Variants in ADAMTSL1 observed in about 807,000 individuals in gnomAD.
The protein encoded by ADAMTSL1 is ADAMTS like 1.
ADAMTSL1 carries 126 observed loss-of-function variants against 201.8 expected under a neutral mutation model. The ratio of observed to expected loss-of-function variants is 0.62; its 90% CI spans 0.54 to 0.72. ADAMTSL1 has a LOEUF of 0.72. Ranked by LOEUF, ADAMTSL1 falls within the 30% of genes least tolerant of loss-of-function variation. The pLI is 0.00. For synonymous variants in ADAMTSL1, 1,121 were observed against 903.4 expected, an observed-to-expected ratio of 1.24 and a Z score of -4.32; for missense variants, 2,679 against 2,277.8, an observed-to-expected ratio of 1.18 and a Z score of -3.59.
intron 2 of ADAMTSL1, among the ~76,000 whole-genome samples, chr9:18,302,133 G>T (rs1833730894): frequency 6.6e-6 from 1 of 152,050 alleles, no homozygotes; most frequent in Non-Finnish European, 1.5e-5. Flanking sequence ...TCTTTTTTGG[G>T]TTGCTGTTGT....
intron 2 of ADAMTSL1, among the ~76,000 whole-genome samples, chr9:18,239,263 G>T (rs1412492058): frequency 6.6e-6 from 1 of 152,166 alleles, no homozygotes; most frequent in Non-Finnish European, 1.5e-5. Context: ...AGATTTCTCT[G>T]TAGCATGTGA....
At chr9:18,610,325 A>C (rs139517954) in intron 4 of ADAMTSL1, among the ~76,000 whole-genome samples, 72 of 152,334 alleles carry the variant, frequency 4.7e-4, no homozygotes, top group African/African-American at 1.7e-3. Context: ...AGAATCTTAC[A>C]TTAACAACCT....
intron 3 of ADAMTSL1, among the ~76,000 whole-genome samples, chr9:18,553,210 C>CTTTTT (rs35874115): frequency 1.3e-4 from 18 of 135,852 alleles, no homozygotes; most frequent in Admixed American, 2.2e-4. Flanking sequence ...TAGTCCCAGT[C>CTTTTT]TTTTTTTTTT....
chr9:18,627,106 C>T (rs1182884200), intron 5 of ADAMTSL1, among the ~76,000 whole-genome samples: 1 of 151,906 alleles, frequency 6.6e-6, no homozygotes, highest in Non-Finnish European at 1.5e-5. Context: ...TCAGCCTCCC[C>T]AAGTAGCTGG....
chr9:18,823,360 A>C (rs1261316015), intron 21 of ADAMTSL1, among the ~76,000 whole-genome samples: 1 of 152,166 alleles, frequency 6.6e-6, no homozygotes, highest in Non-Finnish European at 1.5e-5. Flanking sequence ...TGCTGTCACC[A>C]GAGGAATTCA....
At chr9:18,563,270 C>G (rs928313044) in intron 3 of ADAMTSL1, among the ~76,000 whole-genome samples, 4 of 152,218 alleles carry the variant, frequency 2.6e-5, no homozygotes, top group Admixed American at 2.0e-4. Context: ...TCAGGCTCCT[C>G]TGCTGCAGGT....
intron 23 of ADAMTSL1, among the ~76,000 whole-genome samples, chr9:18,858,633 G>T (rs1434765781): frequency 1.3e-5 from 2 of 152,234 alleles, no homozygotes; most frequent in East Asian, 3.8e-4. Flanking sequence ...CCCAGCCTCT[G>T]TGCTCCACGG....
Position 18,045,796 on chromosome 9 carries a change from C to T in ADAMTSL1, c.88-118066C>T, listed in dbSNP as rs572907104. On this transcript the variant is annotated intron_variant, in intron 1 of 29. Coordinates refer to the ADAMTSL1 transcript ENST00000680146. ...CCTTTTTCTACTCTAAGTCCTGATA[C>T]TCACTTGGTGCCTTTATTTTCTGTG... Among the ~76,000 whole-genome samples, 19 of 151,112 alleles carry T rather than the reference C, an allele frequency of 1.3e-4. No individual in the cohort carries two copies. The East Asian group carries it at 3.0e-3, about 24-fold the overall frequency.
chr9:18,813,242 G>A (rs1270334418), intron 20 of ADAMTSL1, among the ~76,000 whole-genome samples: 1 of 152,282 alleles, frequency 6.6e-6, no homozygotes, highest in Non-Finnish European at 1.5e-5. Flanking sequence ...GGGATTACAG[G>A]CATGAGCCAC....
chr9:18,352,827 T>G (rs1296677532), intron 2 of ADAMTSL1, among the ~76,000 whole-genome samples: 1 of 152,210 alleles, frequency 6.6e-6, no homozygotes, highest in Non-Finnish European at 1.5e-5. Flanking sequence ...TCAGTCAGCG[T>G]CCCTGGCAAG....
chr9:18,296,856 C>T (rs557698056), intron 2 of ADAMTSL1, among the ~76,000 whole-genome samples: 1 of 152,226 alleles, frequency 6.6e-6, no homozygotes, highest in African/African-American at 2.4e-5. Flanking sequence ...GAATCTGTAC[C>T]TTTAAGGCTA....
At chr9:18,515,747 C>T (rs1271668181) in intron 2 of ADAMTSL1, among the ~76,000 whole-genome samples, 2 of 152,108 alleles carry the variant, frequency 1.3e-5, no homozygotes. Flanking sequence ...GTGGGGATTG[C>T]CCTAGGTACT....
chr9:18,779,739 G>T (rs148857169), intron 19 of ADAMTSL1, among the ~76,000 whole-genome samples: 104 of 152,294 alleles, frequency 6.8e-4, no homozygotes, highest in East Asian at 5.6e-3. Flanking sequence ...TCACTGAGTG[G>T]CAGCTCCAGT....
intron 3 of ADAMTSL1, among the ~76,000 whole-genome samples, chr9:18,564,255 G>A (rs1821734205): frequency 6.6e-6 from 1 of 152,208 alleles, no homozygotes; most frequent in Admixed American, 6.5e-5. Context: ...CTTCCTTTGG[G>A]TAGGGAAGGG....
At chr9:18,316,632 T>C (rs1302964111) in intron 2 of ADAMTSL1, among the ~76,000 whole-genome samples, 7 of 152,202 alleles carry the variant, frequency 4.6e-5, no homozygotes, top group African/African-American at 1.7e-4. Context: ...TGTTCTTTTT[T>C]TCAAGGTGCC....
intron 2 of ADAMTSL1, among the ~76,000 whole-genome samples, chr9:18,294,458 G>C (rs1460952076): frequency 6.6e-6 from 1 of 152,234 alleles, no homozygotes; most frequent in Non-Finnish European, 1.5e-5. Context: ...TGGGCTGGGA[G>C]CCCGTGTGAC....
At chr9:18,487,956 C>A (rs1178913534) in intron 1 of ADAMTSL1, among the ~76,000 whole-genome samples, 1 of 152,112 alleles carries the variant, frequency 6.6e-6, no homozygotes, top group Non-Finnish European at 1.5e-5. Flanking sequence ...ATTATAGCAG[C>A]CATAGTTTAG....
At chr9:18,860,021 A>G (rs1172005762) in intron 23 of ADAMTSL1, among the ~76,000 whole-genome samples, 2 of 152,228 alleles carry the variant, frequency 1.3e-5, no homozygotes, top group African/African-American at 4.8e-5. Flanking sequence ...ATGTGTGTGC[A>G]TATGTGTGAT....
chr9:18,411,068 T>A (rs1323624488), intron 2 of ADAMTSL1, among the ~76,000 whole-genome samples: 1 of 151,560 alleles, frequency 6.6e-6, no homozygotes, highest in Non-Finnish European at 1.5e-5. Flanking sequence ...TTCACCATGT[T>A]GGCCAGGATG....
Sources: gnomAD v4.1 joint callset for allele counts (sites outside exome capture counted in the v4.1 genomes callset) on GRCh38, gnomAD v4.1.1 for gene constraint, MANE v1.5 for transcripts, NCBI Gene and HGNC (gene_info 2026-07-23, HGNC 2026-07-21) for gene names.